Variants in MAST4 observed in about 807,000 individuals in gnomAD.
MAST4 encodes microtubule associated serine/threonine kinase family member 4.
MAST4 carries 89 observed loss-of-function variants against 162.7 expected under a neutral mutation model. The ratio of observed to expected loss-of-function variants is 0.55; its 90% CI spans 0.46 to 0.65. The LOEUF is 0.65. Ranked by LOEUF, MAST4 falls within the 30% of genes least tolerant of loss-of-function variation. The pLI, the probability that MAST4 is intolerant of heterozygous loss-of-function variation, is 0.00. For synonymous variants in MAST4, 1,479 were observed against 1,361.1 expected, an observed-to-expected ratio of 1.09 and a Z score of -1.91; for missense variants, 3,153 against 3,374.0, an observed-to-expected ratio of 0.93 and a Z score of 1.62.
At chr5:66,650,104 G>A (rs1328203249) in intron 1 of MAST4, among the ~76,000 whole-genome samples, 1 of 151,942 alleles carries the variant, frequency 6.6e-6, no homozygotes, top group Non-Finnish European at 1.5e-5. Context: ...TGTCACCTAA[G>A]TCAGCCTATT....
chr5:66,638,613 C>G (rs1745281227), intron 1 of MAST4, among the ~76,000 whole-genome samples: 1 of 152,024 alleles, frequency 6.6e-6, no homozygotes, highest in African/African-American at 2.4e-5. Flanking sequence ...TAATTTATAC[C>G]ATACTTTAAA....
chr5:66,799,704 C>T (rs1755823251), intron 3 of MAST4, among the ~76,000 whole-genome samples: 1 of 152,122 alleles, frequency 6.6e-6, no homozygotes, highest in African/African-American at 2.4e-5. Context: ...CTGCTGTGGC[C>T]CTAACCTGAA....
intron 4 of MAST4, among the ~76,000 whole-genome samples, chr5:66,979,182 C>T (rs963050437): frequency 1.3e-5 from 2 of 152,138 alleles, no homozygotes; most frequent in African/African-American, 4.8e-5. Context: ...GATGGCACAG[C>T]AGCCAAGTAG....
chr5:66,776,405 T>TG (rs1754604690), intron 2 of MAST4, among the ~76,000 whole-genome samples: 1 of 152,208 alleles, frequency 6.6e-6, no homozygotes, highest in Admixed American at 6.5e-5. Flanking sequence ...AGTTGTCCTC[T>TG]GGGGTATTGA....
chr5:67,138,370 A>G (rs2151020048), intron 19 of MAST4, among the ~76,000 whole-genome samples: 1 of 152,240 alleles, frequency 6.6e-6, no homozygotes, highest in East Asian at 1.9e-4. Flanking sequence ...GTACTGCCCT[A>G]GTCCTTCAAT....
At chr5:66,627,937 C>A (rs775453950) in intron 1 of MAST4, among the ~76,000 whole-genome samples, 28 of 152,214 alleles carry the variant, frequency 1.8e-4, no homozygotes, top group Non-Finnish European at 1.5e-5. Flanking sequence ...TTCTGCCCCC[C>A]ACCCCACCCC....
chr5:67,078,824 TTATATTTATATATTTAAA>T (rs1371704295), intron 5 of MAST4, among the ~76,000 whole-genome samples: 4 of 118,174 alleles, frequency 3.4e-5, no homozygotes, highest in East Asian at 2.1e-4. Context: ...ATTTTTATAT[TTATATTTATATATTTAAA>T]TATATTTATA....
chr5:66,959,568 T>C (rs1223825932), intron 4 of MAST4, among the ~76,000 whole-genome samples: 2 of 152,238 alleles, frequency 1.3e-5, no homozygotes, highest in African/African-American at 2.4e-5. Flanking sequence ...TGTGAAAGAA[T>C]GTATCAGTAG....
intron 4 of MAST4, chr5:66,963,877 A>C: frequency 1.3e-6 from 1 of 770,454 alleles, no homozygotes; most frequent in Non-Finnish European, 2.4e-6. Flanking sequence ...CAGACTCTGC[A>C]ATCCACAATC....
intron 5 of MAST4, among the ~76,000 whole-genome samples, chr5:67,077,508 G>A (rs1315494767): frequency 2.6e-5 from 4 of 152,174 alleles, no homozygotes; most frequent in Non-Finnish European, 5.9e-5. Flanking sequence ...GCCCTAAAGA[G>A]TATTGCCAGC....
At chr5:66,828,443 T>C (rs769327874) in intron 3 of MAST4, among the ~76,000 whole-genome samples, 2 of 152,210 alleles carry the variant, frequency 1.3e-5, no homozygotes, top group African/African-American at 4.8e-5. Context: ...GCTGATTTAC[T>C]TAGCCACTGT....
At chr5:66,791,949 T>C (rs1013988962) in intron 3 of MAST4, among the ~76,000 whole-genome samples, 1 of 152,212 alleles carries the variant, frequency 6.6e-6, no homozygotes, top group Admixed American at 6.5e-5. Flanking sequence ...ATATCACTTA[T>C]TTTGACGTGT....
chr5:66,700,806 C>T (rs970114960), intron 1 of MAST4, among the ~76,000 whole-genome samples: 10 of 146,324 alleles, frequency 6.8e-5, no homozygotes, highest in African/African-American at 1.3e-4. Context: ...TATATACACA[C>T]ACACACACAC....
At chr5:67,145,491 T>C in intron 23 of MAST4, 112 bp downstream of exon 23, 1 of 799,578 alleles carries the variant, frequency 1.3e-6, no homozygotes, top group Non-Finnish European at 2.0e-6. Flanking sequence ...TTTATGCTGC[T>C]AGACTTTCTC....
At chr5:67,112,972 A>G (rs1766426078) in intron 11 of MAST4, among the ~76,000 whole-genome samples, 1 of 152,148 alleles carries the variant, frequency 6.6e-6, no homozygotes, top group Admixed American at 6.5e-5. Flanking sequence ...ACAAAAAGCC[A>G]CTTATTACTT....
intron 3 of MAST4, among the ~76,000 whole-genome samples, chr5:66,895,280 T>G (rs1762609447): frequency 1.3e-5 from 2 of 152,178 alleles, no homozygotes. Context: ...TCTTCTTTAT[T>G]TTAAATGGCG....
At chr5:66,972,563 A>G (rs988411905) in intron 4 of MAST4, among the ~76,000 whole-genome samples, 2 of 151,876 alleles carry the variant, frequency 1.3e-5, no homozygotes, top group Non-Finnish European at 1.5e-5. Context: ...GGCATGTGCC[A>G]TCATCCACTA....
intron 4 of MAST4, among the ~76,000 whole-genome samples, chr5:66,936,626 A>G (rs542774911): frequency 3.9e-4 from 60 of 152,320 alleles, no homozygotes; most frequent in African/African-American, 1.2e-3. Flanking sequence ...TCACAAGACA[A>G]TGTCATCAGT....
chr5:67,104,347 G>A lies in MAST4; in HGVS notation c.1147-19G>A, dbSNP rs770106262. Reference sequence around the variant, plus strand: ...GTTTCCTCGTATTACATCTGTGTATGTGTGTCTTCTCTATATAGGCTACAG... The same window carrying A: ...GTTTCCTCGTATTACATCTGTGTATATGTGTCTTCTCTATATAGGCTACAG... On this transcript the variant is annotated intron_variant, in intron 9 of 28. Transcript: ENST00000403625. 7.0e-6 allele frequency: 11 copies of A among 1,566,020 alleles called. No individual in the cohort carries two copies. In the South Asian group the frequency reaches 8.9e-5, roughly 13 times the overall value.
Sources: allele counts gnomAD v4.1 joint callset (sites outside exome capture counted in the v4.1 genomes callset), GRCh38; gene constraint gnomAD v4.1.1; transcripts MANE v1.5; gene names NCBI Gene and HGNC (gene_info 2026-07-23, HGNC 2026-07-21).